The following OOSP3 variants were observed in gnomAD, a reference collection of about 807,000 sequenced individuals.
OOSP3 encodes oocyte-secreted protein 3.
chr11:59,885,207 T>G (rs1356931900), intron 2 of OOSP3, among the ~76,000 whole-genome samples: 1 of 152,250 alleles, frequency 6.6e-6, no homozygotes, highest in Non-Finnish European at 1.5e-5. Context: ...ATCCTTTTCC[T>G]GGGATAAATC....
chr11:59,880,749 G>C (rs1259577476), intron 2 of OOSP3, among the ~76,000 whole-genome samples: 3 of 152,172 alleles, frequency 2.0e-5, no homozygotes, highest in African/African-American at 7.2e-5. Flanking sequence ...AGTTTTCATA[G>C]TAACTGAGGC....
At chr11:59,891,751 G>A (rs1322054918) in intron 2 of OOSP3, among the ~76,000 whole-genome samples, 1 of 152,238 alleles carries the variant, frequency 6.6e-6, no homozygotes, top group East Asian at 1.9e-4. Flanking sequence ...TCAGGGACCT[G>A]CTTAAGGAAG....
At chr11:59,882,367 C>T (rs1853210883) in intron 2 of OOSP3, among the ~76,000 whole-genome samples, 1 of 152,040 alleles carries the variant, frequency 6.6e-6, no homozygotes, top group East Asian at 1.9e-4. Flanking sequence ...GTATATGGAA[C>T]AATTTGGTTA....
At chr11:59,895,054 G>C (rs2134533471) in intron 3 of OOSP3, among the ~76,000 whole-genome samples, 1 of 152,200 alleles carries the variant, frequency 6.6e-6, no homozygotes, top group South Asian at 2.1e-4. Context: ...CAATAATTTA[G>C]ATGTTTTCTT....
intron 2 of OOSP3, among the ~76,000 whole-genome samples, chr11:59,889,240 C>G (rs1247834518): frequency 1.4e-5 from 2 of 143,268 alleles, no homozygotes; most frequent in East Asian, 4.0e-4. Context: ...TTTTTTTTTT[C>G]CAAAAAAGCA....
intron 2 of OOSP3, among the ~76,000 whole-genome samples, chr11:59,882,339 A>T (rs1853210653): frequency 6.6e-6 from 1 of 152,090 alleles, no homozygotes; most frequent in South Asian, 2.1e-4. Context: ...CTTCGAAATT[A>T]CCTTTCAAGG....
chr11:59,881,947 G>A (rs969592322), intron 2 of OOSP3, among the ~76,000 whole-genome samples: 1 of 152,332 alleles, frequency 6.6e-6, no homozygotes, highest in Non-Finnish European at 1.5e-5. Context: ...TCTCCATTTA[G>A]AGGTATGTGT....
rs567910332 is a variant in OOSP3 at position 59,891,310 on chromosome 11, G to A, written c.253-2769G>A. The stretch of plus-strand genomic sequence containing the variant: ...CATCTCAGATTCAGCCCAGTTCTGC[G>A]CCCTTGCTGAAGAGGTGTTGTAATC... On this transcript the variant is annotated intron_variant, in intron 2 of 4. Coordinates refer to ENST00000646438, the Ensembl canonical transcript of OOSP3. Among the ~76,000 whole-genome samples, 167 of 152,254 alleles carry A rather than the reference G, an allele frequency of 1.1e-3. 1 individual carries two copies. The Middle Eastern group carries it at 0.02, about 19-fold the overall frequency.
intron 3 of OOSP3, 27 bp downstream of exon 3, chr11:59,894,203 C>A (rs1385148937): frequency 2.5e-6 from 1 of 397,156 alleles, no homozygotes; most frequent in Non-Finnish European, 4.4e-6. Flanking sequence ...AGATGGTTCA[C>A]AGTTTACCCT....
intron 2 of OOSP3, among the ~76,000 whole-genome samples, chr11:59,880,963 C>T (rs976444631): frequency 3.3e-5 from 5 of 152,190 alleles, no homozygotes; most frequent in East Asian, 1.9e-4. Flanking sequence ...TGGATTTGCT[C>T]GTATGTTGTT....
chr11:59,891,828 G>C (rs960743579), intron 2 of OOSP3, among the ~76,000 whole-genome samples: 1 of 152,226 alleles, frequency 6.6e-6, no homozygotes, highest in African/African-American at 2.4e-5. Context: ...TGGCTGACTA[G>C]AGCCACAGTA....
chr11:59,885,032 G>C (rs1191212350), intron 2 of OOSP3, among the ~76,000 whole-genome samples: 1 of 152,154 alleles, frequency 6.6e-6, no homozygotes, highest in Non-Finnish European at 1.5e-5. Flanking sequence ...TCTTAATCAG[G>C]TTGAGGACGT....
At chr11:59,886,791 CTTTT>C (rs562190268) in intron 2 of OOSP3, among the ~76,000 whole-genome samples, 17 of 139,300 alleles carry the variant, frequency 1.2e-4, no homozygotes, top group African/African-American at 3.1e-4. Context: ...CATTTGCCCA[CTTTT>C]TTTTTTTTTT....
intron 4 of OOSP3, 114 bp downstream of exon 4, chr11:59,895,766 A>G (rs1853350683): frequency 2.5e-6 from 1 of 396,960 alleles, no homozygotes. Context: ...TTGTTTAAAT[A>G]GTGTTTAACT....
intron 2 of OOSP3, among the ~76,000 whole-genome samples, chr11:59,884,366 T>G (rs1032577362): frequency 6.6e-5 from 10 of 152,102 alleles, no homozygotes; most frequent in South Asian, 4.1e-4. Flanking sequence ...TCCTACAACA[T>G]TAGTGAGCAT....
intron 2 of OOSP3, among the ~76,000 whole-genome samples, chr11:59,893,250 T>C (rs1032804472): frequency 1.3e-5 from 2 of 152,238 alleles, no homozygotes; most frequent in African/African-American, 4.8e-5. Context: ...AAAATAGTAA[T>C]TCAATAAGAC....
rs563907432 is a variant in OOSP3 at position 59,881,418 on chromosome 11, A to C, written c.252+979A>C. Among the ~76,000 whole-genome samples, 5 of 152,162 alleles carry C rather than the reference A, an allele frequency of 3.3e-5. No homozygotes were observed. In the South Asian group the frequency reaches 1.0e-3, roughly 32 times the overall value. On this transcript the variant is annotated intron_variant, in intron 2 of 4. Transcript: ENST00000646438. The stretch of plus-strand genomic sequence containing the variant: ...ATCCTTGAATGCTCAATAGAAGTTA[A>C]TGATAAAATCTCCTGTATCTTTTGT...
chr11:59,896,341 C>T (rs768310987), exon 5 of OOSP3: 70 of 394,010 alleles, frequency 1.8e-4, no homozygotes, highest in Middle Eastern at 1.3e-3. Flanking sequence ...TGGGATAGAG[C>T]CCAGTGCTTC....
chr11:59,893,618 A>G (rs916086537), intron 2 of OOSP3, among the ~76,000 whole-genome samples: 1 of 152,094 alleles, frequency 6.6e-6, no homozygotes, highest in African/African-American at 2.4e-5. Context: ...CACCTTCCCA[A>G]AGTGGTGGGA....
Sources: gnomAD v4.1 joint callset for allele counts (sites outside exome capture counted in the v4.1 genomes callset) on GRCh38, gnomAD v4.1.1 for gene constraint, MANE v1.5 for transcripts, NCBI Gene and HGNC (gene_info 2026-07-23, HGNC 2026-07-21) for gene names.